TANC1: variants seen among roughly 807,000 people sequenced by gnomAD.
The protein encoded by TANC1 is tetratricopeptide repeat, ankyrin repeat and coiled-coil containing 1.
In TANC1, 77 loss-of-function variants were observed where a neutral mutation model predicts 149.7. That is an observed-to-expected ratio of 0.51 (90% CI 0.43 to 0.62). The LOEUF is 0.62. Among genes scored for constraint, TANC1 ranks in the 20% least tolerant of loss-of-function variants. TANC1 has a pLI of 0.00. For missense variants in TANC1, 1,985 were observed against 2,321.8 expected (o/e 0.85, Z 2.98); for synonymous variants, 854 against 925.0 (o/e 0.92, Z 1.39).
intron 1 of TANC1, among the ~76,000 whole-genome samples, chr2:158,983,423 C>T (rs1312049472): frequency 2.8e-5 from 4 of 144,706 alleles, no homozygotes; most frequent in Non-Finnish European, 6.0e-5. Flanking sequence ...GCCGAGATCG[C>T]GCCACTGCAC....
intron 2 of TANC1, among the ~76,000 whole-genome samples, chr2:159,013,202 A>G (rs2037940527): frequency 6.6e-6 from 1 of 152,166 alleles, no homozygotes; most frequent in Non-Finnish European, 1.5e-5. Flanking sequence ...TCAATTATGT[A>G]TTTAGGGAGG....
intron 22 of TANC1, 32 bp downstream of exon 22, chr2:159,219,899 C>G (rs749278975): frequency 6.2e-7 from 1 of 1,610,388 alleles, no homozygotes; most frequent in Non-Finnish European, 8.5e-7. Context: ...CCACCTCCAC[C>G]TGCATTGGAA....
intron 4 of TANC1, among the ~76,000 whole-genome samples, chr2:159,125,025 G>A (rs1399677038): frequency 6.6e-6 from 1 of 152,146 alleles, no homozygotes; most frequent in African/African-American, 2.4e-5. Context: ...TTTCAGGCGT[G>A]AGCCACCATG....
At chr2:159,194,612 G>C (rs2057713594) in intron 17 of TANC1, 119 bp downstream of exon 17, 7 of 916,202 alleles carry the variant, frequency 7.6e-6, no homozygotes, top group South Asian at 7.6e-5. Flanking sequence ...ACACAGAAAG[G>C]GTCGGGCTCC....
At chr2:159,195,489 A>C (rs2057776142) in intron 17 of TANC1, among the ~76,000 whole-genome samples, 1 of 152,214 alleles carries the variant, frequency 6.6e-6, no homozygotes, top group Admixed American at 6.5e-5. Flanking sequence ...GGTTTACTGG[A>C]AGCATTTTTT....
intron 5 of TANC1, chr2:159,148,897 G>A: frequency 2.9e-6 from 1 of 349,838 alleles, no homozygotes; most frequent in Non-Finnish European, 5.1e-6. Context: ...ATTGCCGTCA[G>A]ATAACACTGG....
intron 5 of TANC1, among the ~76,000 whole-genome samples, chr2:159,145,146 G>A (rs1266984579): frequency 6.6e-6 from 1 of 152,204 alleles, no homozygotes; most frequent in Non-Finnish European, 1.5e-5. Flanking sequence ...GCAGTAAGGT[G>A]CAGGCCAAAT....
Position 159,231,264 on chromosome 2 carries a change from T to C in TANC1, c.*252T>C, listed in dbSNP as rs569969415. The C allele has an allele frequency of 3.9e-5, 14 of 358,286 alleles. No homozygotes were observed. Among genetic ancestry groups the C allele is most frequent in the African/African-American group, 8.3e-5 (4 of 48,030 alleles). 22.2% of individuals were successfully genotyped at this position (358,286 alleles called of 1,614,324 possible). The stretch of plus-strand genomic sequence containing the variant: ...TTTAAGACAGCCCAGAAGACATTAA[T>C]GACTCTCACTTATGAAATTGTTTGG... On this transcript the variant is annotated 3_prime_UTR_variant, in exon 27 of 27. Coordinates refer to ENST00000263635, the MANE Select transcript of TANC1 (RefSeq NM_033394.3).
At chr2:158,982,611 G>T (rs548473502) in intron 1 of TANC1, among the ~76,000 whole-genome samples, 4 of 152,016 alleles carry the variant, frequency 2.6e-5, no homozygotes, top group Non-Finnish European at 5.9e-5. Context: ...TACTTCATTT[G>T]TTTATTTAGT....
intron 4 of TANC1, among the ~76,000 whole-genome samples, chr2:159,133,077 A>C (rs1478883064): frequency 6.6e-6 from 1 of 152,174 alleles, no homozygotes; most frequent in Non-Finnish European, 1.5e-5. Context: ...GGGTAGGTAG[A>C]TTGGAGCTTG....
At chr2:159,067,166 A>G (rs949508659) in intron 3 of TANC1, among the ~76,000 whole-genome samples, 2 of 152,248 alleles carry the variant, frequency 1.3e-5, no homozygotes, top group Non-Finnish European at 2.9e-5. Flanking sequence ...TTGTGATAAT[A>G]TTAATGTCTG....
At chr2:159,044,045 G>C (rs1013933959) in intron 2 of TANC1, among the ~76,000 whole-genome samples, 1 of 152,156 alleles carries the variant, frequency 6.6e-6, no homozygotes, top group Non-Finnish European at 1.5e-5. Context: ...TTTCAAGGAG[G>C]ATTTTCTAGT....
intron 13 of TANC1, among the ~76,000 whole-genome samples, chr2:159,176,946 G>A (rs184621694): frequency 1.4e-3 from 180 of 126,330 alleles, no homozygotes; most frequent in Non-Finnish European, 2.4e-3. Flanking sequence ...GTCTCGCTCT[G>A]TCACCCAGGA....
In TANC1 at chr2:159,163,301, C is replaced by T; in HGVS notation, c.701C>T (p.Ser234Phe). The change falls in exon 8 of 27, where the codon TCC becomes TTC. Residue 234 changes from serine (S) to phenylalanine (F), a missense_variant. Physicochemically the swap from Ser to Phe is radical, Grantham distance 155. Transcript: ENST00000263635. ...SGIIATITSSSENDDRSGSSL... is the reference protein window; with the variant it reads ...SGIIATITSSFENDDRSGSSL... ...ATTTCAGCCACAATTACAAGTTCAT[C>T]CGAAAATGATGACCGGAGTGGCTCC... 1 of 1,613,406 alleles carries T rather than the reference C, an allele frequency of 6.2e-7. No individual in the cohort carries two copies. The highest frequency in any genetic ancestry group is 2.2e-5 in the East Asian group (1 of 44,872).
intron 4 of TANC1, 100 bp from the exon 5 acceptor site, chr2:159,136,094 C>T (rs2050712076): frequency 1.4e-6 from 1 of 714,194 alleles, no homozygotes; most frequent in Admixed American, 2.0e-5. Context: ...GGCTCTTCCT[C>T]TAGGCATATT....
At chr2:159,059,504 TA>T (rs1215884513) in intron 2 of TANC1, among the ~76,000 whole-genome samples, 6 of 141,020 alleles carry the variant, frequency 4.3e-5, no homozygotes, top group African/African-American at 1.0e-4. Flanking sequence ...AAGACTCTCT[TA>T]AAAAAAACCA....
chr2:159,219,535 C>A, intron 21 of TANC1, 157 bp from the exon 22 acceptor site: 2 of 1,235,218 alleles, frequency 1.6e-6, no homozygotes, highest in Non-Finnish European at 2.3e-6. Context: ...TCTTCAGCAG[C>A]GATGACCATT....
rs751995013 is a variant in TANC1 at position 159,224,216 on chromosome 2, T to C, written c.3679-16T>C. On this transcript the variant is annotated splice_polypyrimidine_tract_variant and intron_variant, in intron 22 of 26. Transcript: ENST00000263635. Reference sequence around the variant, plus strand: ...CCTGTTCCCAGCTGCTGCTTAGGCTTCTGCTGTCTCTGCAGGTGCTGTACC... The same window carrying C: ...CCTGTTCCCAGCTGCTGCTTAGGCTCCTGCTGTCTCTGCAGGTGCTGTACC... The C allele has an allele frequency of 6.2e-7, 1 of 1,613,994 alleles. No homozygotes were observed. The highest frequency in any genetic ancestry group is 1.7e-5 in the Admixed American group (1 of 60,032).
chr2:159,143,551 C>CAAAAAAAAAAAAAAAA (rs56992262), intron 5 of TANC1, among the ~76,000 whole-genome samples: 1 of 67,300 alleles, frequency 1.5e-5, no homozygotes, highest in Non-Finnish European at 2.5e-5. Context: ...GACCCCATCT[C>CAAAAAAAAAAAAAAAA]AAAAAAAAAA....
Sources: gnomAD v4.1 joint callset for allele counts (sites outside exome capture counted in the v4.1 genomes callset) on GRCh38, gnomAD v4.1.1 for gene constraint, MANE v1.5 for transcripts, NCBI Gene and HGNC (gene_info 2026-07-23, HGNC 2026-07-21) for gene names.